Variants in PHIP observed in about 807,000 individuals in gnomAD.
The protein encoded by PHIP is PH-interacting protein.
In PHIP, 54 loss-of-function variants were observed where a neutral mutation model predicts 236.8. That is an observed-to-expected ratio of 0.23 (90% confidence interval 0.18 to 0.29). The LOEUF is 0.29. Ranked by LOEUF, PHIP falls within the 10% of genes least tolerant of loss-of-function variation. The pLI, the probability that PHIP is intolerant of heterozygous loss-of-function variation, is 1.00. For synonymous variants in PHIP, 756 were observed against 718.9 expected (o/e 1.05, Z -0.83); for missense variants, 1,370 against 2,190.8 (o/e 0.63, Z 7.48).
intron 4 of PHIP, among the ~76,000 whole-genome samples, chr6:79,068,982 A>C (rs1001421805): frequency 4.0e-5 from 6 of 151,884 alleles, no homozygotes; most frequent in African/African-American, 1.4e-4. Flanking sequence ...TAAAAAAGTC[A>C]GTTTTTCAGA....
chr6:79,068,489 C>A (rs1257601695), intron 4 of PHIP, among the ~76,000 whole-genome samples: 4 of 152,010 alleles, frequency 2.6e-5, no homozygotes, highest in African/African-American at 7.2e-5. Context: ...AAACAAAAAA[C>A]CCCACGAAAT....
chr6:78,935,736 C>T lies in PHIP; in HGVS notation c.*4957G>A, dbSNP rs1773251469. On this transcript the variant is annotated 3_prime_UTR_variant, in exon 40 of 40. Transcript: ENST00000275034. The stretch of plus-strand genomic sequence containing the variant: ...ACAGGGCACTGGAAACTCTAATGAA[C>T]CAGCATTTACATAATGGTATCTGCC... The T allele has an allele frequency of 1.0e-5, 10 of 985,180 alleles. No individual in the cohort carries two copies. The highest frequency in any genetic ancestry group is 1.2e-5 in the Non-Finnish European group (10 of 829,772). The allele number at this position is 985,180 out of a possible 1,614,324, so 61.0% of individuals were successfully genotyped here.
chr6:78,953,817 C>T (rs2127689802), intron 35 of PHIP, among the ~76,000 whole-genome samples: 1 of 152,176 alleles, frequency 6.6e-6, no homozygotes, highest in African/African-American at 2.4e-5. Context: ...AACTCCTGGC[C>T]TCAGGTGATC....
At chr6:78,942,520 A>G (rs924640841) in intron 39 of PHIP, among the ~76,000 whole-genome samples, 1 of 152,152 alleles carries the variant, frequency 6.6e-6, no homozygotes, top group African/African-American at 2.4e-5. Flanking sequence ...AACATGGTTA[A>G]GAGACTTACC....
intron 4 of PHIP, among the ~76,000 whole-genome samples, chr6:79,062,398 C>T (rs1472896988): frequency 1.3e-5 from 2 of 152,040 alleles, no homozygotes; most frequent in African/African-American, 4.8e-5. Context: ...TTTAATCTTC[C>T]CCAAAATAAT....
intron 4 of PHIP, among the ~76,000 whole-genome samples, chr6:79,075,310 T>A (rs965108404): frequency 6.6e-6 from 1 of 152,128 alleles, no homozygotes; most frequent in Non-Finnish European, 1.5e-5. Flanking sequence ...TTGCATCCAG[T>A]AGATATAGAG....
chr6:78,934,997 A>T lies in PHIP; in HGVS notation c.*5696T>A, dbSNP rs1266278098. On this transcript the variant is annotated 3_prime_UTR_variant, in exon 40 of 40. Coordinates refer to ENST00000275034, the MANE Select transcript of PHIP (RefSeq NM_017934.7). ...ACATTGATTACAAACACGAAGTACT[A>T]TATTGCAAGGAACAGAGGTTTTGTG... Among the ~76,000 whole-genome samples the T allele has an allele frequency of 2.0e-5, 3 of 152,174 alleles. No individual in the cohort carries two copies. Among genetic ancestry groups the T allele is most frequent in the African/African-American group, 7.2e-5 (3 of 41,452 alleles).
intron 4 of PHIP, among the ~76,000 whole-genome samples, chr6:79,065,466 ATC>A (rs1773577278): frequency 6.6e-6 from 1 of 151,766 alleles, no homozygotes; most frequent in African/African-American, 2.4e-5. Context: ...TTTACGCATA[ATC>A]TCTCTCTCCT....
intron 12 of PHIP, 89 bp from the exon 13 acceptor site, chr6:79,016,731 A>G: frequency 1.3e-6 from 1 of 761,022 alleles, no homozygotes; most frequent in Non-Finnish European, 2.2e-6. Flanking sequence ...TTAAAAAGAC[A>G]GCATTCATCT....
At chr6:79,006,184 C>T (rs1417354400) in intron 15 of PHIP, among the ~76,000 whole-genome samples, 1 of 151,962 alleles carries the variant, frequency 6.6e-6, no homozygotes, top group Non-Finnish European at 1.5e-5. Flanking sequence ...CTGCTTTACT[C>T]ATGAACCAGT....
At chr6:78,992,642 TGTCA>T (rs564244664) in intron 19 of PHIP, among the ~76,000 whole-genome samples, 52 of 152,326 alleles carry the variant, frequency 3.4e-4, no homozygotes, top group African/African-American at 1.2e-3. Context: ...GGAGATCTGT[TGTCA>T]GTAATTTTTT....
chr6:79,028,698 C>T (rs753586756), intron 7 of PHIP, among the ~76,000 whole-genome samples: 3 of 152,180 alleles, frequency 2.0e-5, no homozygotes, highest in Non-Finnish European at 2.9e-5. Flanking sequence ...TTCTCACCTG[C>T]ATTCAGTACA....
intron 6 of PHIP, among the ~76,000 whole-genome samples, chr6:79,048,457 A>C (rs1772611862): frequency 6.6e-6 from 1 of 152,138 alleles, no homozygotes; most frequent in African/African-American, 2.4e-5. Context: ...GATAAAAAAA[A>C]CCCTGCAAAT....
chr6:78,968,234 G>A (rs1767277954), intron 27 of PHIP, among the ~76,000 whole-genome samples: 1 of 151,972 alleles, frequency 6.6e-6, no homozygotes, highest in Admixed American at 6.6e-5. Context: ...CAAGAAAAAT[G>A]TTTTCATCTA....
chr6:78,988,332 A>G lies in PHIP; in HGVS notation c.2337T>C (p.His779=). 1.2e-6 allele frequency: 2 copies of G among 1,601,630 alleles called. No homozygotes were observed. The highest frequency in any genetic ancestry group is 1.1e-5 in the South Asian group (1 of 89,040). The change falls in exon 21 of 40, where the codon CAT becomes CAC. Residue 779 remains histidine (H), a synonymous_variant. Transcript: ENST00000275034. ...PTVSKNHAHE[H]FLDLGESKKQ... ...TTTTGGATTCTCCAAGATCCAGGAA[A>G]TGCTCATGAGCATGATTCTAGAAAA... is the stretch of plus-strand genomic sequence containing the variant.
intron 6 of PHIP, among the ~76,000 whole-genome samples, chr6:79,058,183 C>T (rs1001582186): frequency 6.6e-6 from 1 of 152,024 alleles, no homozygotes; most frequent in Admixed American, 6.6e-5. Context: ...ACATCAATCA[C>T]CTGCTTGGCA....
rs1332071316 is a variant in PHIP at position 78,946,512 on chromosome 6, T to A, written c.4370+199A>T. 55 of 1,388,628 alleles carry A rather than the reference T, an allele frequency of 4.0e-5. No individual in the cohort carries two copies. The East Asian group carries it at 1.4e-3, about 36-fold the overall frequency. 86.0% of individuals were successfully genotyped at this position (1,388,628 alleles called of 1,614,324 possible). On this transcript the variant is annotated intron_variant, in intron 37 of 39. Coordinates refer to ENST00000275034, the MANE Select transcript of PHIP (RefSeq NM_017934.7). ...AAAAATGCTGTTTTACTGTATAGAT[T>A]TAGCAGTTTGAATTTAAGCACTTAC... is the stretch of plus-strand genomic sequence containing the variant.
At chr6:78,961,841 T>G in intron 30 of PHIP, 31 bp from the exon 31 acceptor site, 2 of 1,534,692 alleles carry the variant, frequency 1.3e-6, no homozygotes. Flanking sequence ...TGTAAATTTA[T>G]TTTTGTATGC....
chr6:78,972,580 G>A (rs1028508101), intron 24 of PHIP, among the ~76,000 whole-genome samples: 5 of 152,122 alleles, frequency 3.3e-5, no homozygotes, highest in Non-Finnish European at 7.4e-5. Context: ...AAATTACTCT[G>A]AGCTACAGGA....
Sources: allele counts gnomAD v4.1 joint callset (sites outside exome capture counted in the v4.1 genomes callset), GRCh38; gene constraint gnomAD v4.1.1; transcripts MANE v1.5; gene names NCBI Gene and HGNC (gene_info 2026-07-23, HGNC 2026-07-21).